The following GALNT14 variants were observed in gnomAD, a reference collection of about 807,000 sequenced individuals.
GALNT14 encodes the protein polypeptide N-acetylgalactosaminyltransferase 14, also known as UDP-GalNAc:polypeptide N-acetylgalactosaminyltransferase 14.
GALNT14 carries 60 observed loss-of-function variants against 77.5 expected under a neutral mutation model. That is an observed-to-expected ratio of 0.77 (90% CI 0.63 to 0.96). GALNT14 has a LOEUF of 0.96. GALNT14 is among the 40% of genes least tolerant of loss of function. The pLI, the probability that GALNT14 is intolerant of heterozygous loss-of-function variation, is 0.00. For synonymous variants in GALNT14, 280 were observed against 281.7 expected, an observed-to-expected ratio of 0.99 and a Z score of 0.06; for missense variants, 710 against 731.0, an observed-to-expected ratio of 0.97 and a Z score of 0.33.
intron 1 of GALNT14, among the ~76,000 whole-genome samples, chr2:31,073,488 G>A (rs546175285): frequency 1.0e-3 from 154 of 150,850 alleles, no homozygotes; most frequent in East Asian, 5.8e-3. Flanking sequence ...AATAAAGAGG[G>A]GGGGGGAACA....
chr2:30,966,438 T>C (rs2303323), intron 2 of GALNT14, 136 bp from the exon 3 acceptor site: 102,612 of 646,226 alleles, frequency 0.16, 8,954 homozygotes, highest in East Asian at 0.35. Context: ...AGCTGCAGAG[T>C]ACTAGGTAAG....
At chr2:31,070,553 C>T (rs549440110) in intron 1 of GALNT14, among the ~76,000 whole-genome samples, 8 of 152,310 alleles carry the variant, frequency 5.3e-5, no homozygotes, top group Non-Finnish European at 8.8e-5. Context: ...GAAAAATGCT[C>T]GGCAGCAATT....
At chr2:31,119,793 A>G (rs1678301805) in intron 1 of GALNT14, among the ~76,000 whole-genome samples, 1 of 152,228 alleles carries the variant, frequency 6.6e-6, no homozygotes, top group Admixed American at 6.5e-5. Context: ...TAAAGTGTAT[A>G]CCCATCAAAT....
chr2:31,115,895 A>C (rs1226071705), intron 1 of GALNT14, among the ~76,000 whole-genome samples: 2 of 152,198 alleles, frequency 1.3e-5, no homozygotes, highest in Non-Finnish European at 1.5e-5. Flanking sequence ...GGTGGTGCAC[A>C]ACTTAGTCCT....
chr2:30,992,445 G>C (rs919839579), intron 2 of GALNT14, among the ~76,000 whole-genome samples: 4 of 152,184 alleles, frequency 2.6e-5, no homozygotes, highest in South Asian at 2.1e-4. Context: ...ACCTGCCCCA[G>C]GGTCCAATCA....
rs1400577015 is a variant in GALNT14, at chr2:30,966,308, G to T, written c.300-6C>A. 1.2e-6 allele frequency: 2 copies of T among 1,607,040 alleles called. No individual in the cohort carries two copies. Among genetic ancestry groups the T allele is most frequent in the Non-Finnish European group, 8.5e-7 (1 of 1,173,640 alleles). On this transcript the variant is annotated splice_polypyrimidine_tract_variant and splice_region_variant and intron_variant, in intron 2 of 14. Coordinates refer to ENST00000349752, the MANE Select transcript of GALNT14 (RefSeq NM_024572.4). ...AATACACCAGCAGTGTGCATCTGGGGAAGGAAAGGCACAGGGCAAGTGAGA... is the reference window on the plus strand; with the variant it reads ...AATACACCAGCAGTGTGCATCTGGGTAAGGAAAGGCACAGGGCAAGTGAGA...
chr2:31,105,847 A>G (rs552889391), intron 1 of GALNT14, among the ~76,000 whole-genome samples: 33 of 152,240 alleles, frequency 2.2e-4, no homozygotes, highest in Non-Finnish European at 4.6e-4. Context: ...ATATATGTAC[A>G]TACTGACACT....
chr2:30,904,889 G>A, the GALNT14 span, among the ~76,000 whole-genome samples: 1 of 152,024 alleles, frequency 6.6e-6, no homozygotes, highest in Non-Finnish European at 1.5e-5. Flanking sequence ...GCCTCCTCAA[G>A]TGGGTCCCTG....
chr2:30,898,022 G>A, the GALNT14 span, among the ~76,000 whole-genome samples: 1 of 152,166 alleles, frequency 6.6e-6, no homozygotes, highest in Non-Finnish European at 1.5e-5. Context: ...AAACTCATAT[G>A]TTAAAATCCT....
chr2:31,057,234 C>T lies in GALNT14; in HGVS notation c.130-64227G>A, dbSNP rs143853029. ...ATTTGTATCCCAAACCTCACCATCA[C>T]ACAATATACTCCATGCAGCAAACCT... On this transcript the variant is annotated intron_variant, in intron 1 of 14. Coordinates refer to ENST00000349752, the MANE Select transcript of GALNT14 (RefSeq NM_024572.4). Among the ~76,000 whole-genome samples, 187 of 150,506 alleles carry T rather than the reference C, an allele frequency of 1.2e-3. 2 individuals are homozygous for T. Among genetic ancestry groups the T allele is most frequent in the Middle Eastern group, 3.5e-3 (1 of 286 alleles).
intron 2 of GALNT14, 72 bp from the exon 3 acceptor site, chr2:30,966,374 G>A (rs1668008689): frequency 3.6e-6 from 4 of 1,104,354 alleles, no homozygotes; most frequent in Non-Finnish European, 5.5e-6. Flanking sequence ...AGAACCGAGG[G>A]CATCTGGGTG....
rs72795206 is a variant in GALNT14 at position 31,089,593 on chromosome 2, T to C, written c.129+48365A>G. Among the ~76,000 whole-genome samples the C allele has an allele frequency of 5.6e-3, 857 of 152,334 alleles. 3 individuals carry two copies. The highest frequency in any genetic ancestry group is 8.6e-3 in the Non-Finnish European group (587 of 68,032). On this transcript the variant is annotated intron_variant, in intron 1 of 14. Transcript: ENST00000349752. ...CTGAAGCTTGGTCCGTTTTCTTCAC[T>C]GCTTCAAGAATTCTTTCATCAATCC...
At chr2:30,947,386 C>T (rs563884887) in intron 6 of GALNT14, among the ~76,000 whole-genome samples, 8 of 152,326 alleles carry the variant, frequency 5.3e-5, no homozygotes, top group South Asian at 2.1e-4. Context: ...ACCCCATCTA[C>T]GGCATCAAAA....
At chr2:31,117,523 A>G (rs960353412) in intron 1 of GALNT14, among the ~76,000 whole-genome samples, 3 of 152,240 alleles carry the variant, frequency 2.0e-5, no homozygotes, top group African/African-American at 7.2e-5. Flanking sequence ...CTCTTTGAAA[A>G]CATCTATAAG....
chr2:31,015,769 A>G (rs184816082), intron 1 of GALNT14, among the ~76,000 whole-genome samples: 32 of 152,328 alleles, frequency 2.1e-4, no homozygotes, highest in African/African-American at 7.0e-4. Context: ...CAATGGAGAG[A>G]CATTCTACAA....
chr2:30,998,685 T>G (rs769533054), intron 1 of GALNT14, among the ~76,000 whole-genome samples: 3 of 152,206 alleles, frequency 2.0e-5, no homozygotes, highest in East Asian at 3.9e-4. Context: ...ATTGGGGGTA[T>G]GTAGGCACAG....
At position 30,999,863 on chromosome 2, in the gene GALNT14, C is replaced by T. The variant is rs563749229; in HGVS notation, c.130-6856G>A. 2.6e-5 allele frequency among the ~76,000 whole-genome samples: 4 copies of T among 152,316 alleles called. No individual in the cohort carries two copies. The South Asian group carries it at 6.2e-4, about 24-fold the overall frequency. ...CTGGCACAGTCAGTGCAGGAGAACA[C>T]GTAAAACCCTATCCAGGGCATTGCT... On this transcript the variant is annotated intron_variant, in intron 1 of 14. Coordinates refer to ENST00000349752, the MANE Select transcript of GALNT14 (RefSeq NM_024572.4).
intron 1 of GALNT14, among the ~76,000 whole-genome samples, chr2:31,112,191 G>T (rs1356670900): frequency 3.3e-5 from 5 of 152,138 alleles, no homozygotes; most frequent in Admixed American, 2.0e-4. Flanking sequence ...AGAGCAATGA[G>T]CCCAGCTCCA....
chr2:30,985,759 G>A (rs1334567261), intron 2 of GALNT14, among the ~76,000 whole-genome samples: 1 of 152,222 alleles, frequency 6.6e-6, no homozygotes, highest in African/African-American at 2.4e-5. Context: ...TGGGGGACCA[G>A]AATGTCACAG....
Sources: allele counts gnomAD v4.1 joint callset (sites outside exome capture counted in the v4.1 genomes callset), GRCh38; gene constraint gnomAD v4.1.1; transcripts MANE v1.5; gene names NCBI Gene and HGNC (gene_info 2026-07-23, HGNC 2026-07-21).